Variants in TDRD3 observed in about 807,000 individuals in gnomAD.
The protein encoded by TDRD3 is tudor domain-containing protein 3.
In TDRD3, 45 loss-of-function variants were observed where a neutral mutation model predicts 86.7. The observed-to-expected ratio is 0.52, with a 90% CI of 0.41 to 0.67. The LOEUF (loss-of-function observed/expected upper bound fraction) is 0.67. TDRD3 is among the 30% of genes least tolerant of loss of function. The probability of loss-of-function intolerance (pLI) is 0.00; values close to 1 mark genes in which losing one functional copy is unlikely to be tolerated. For synonymous variants in TDRD3, 298 were observed against 301.7 expected (o/e 0.99, Z 0.13); for missense variants, 814 against 889.0 (o/e 0.92, Z 1.07).
chr13:60,559,382 G>A (rs137913222), intron 12 of TDRD3, among the ~76,000 whole-genome samples: 38 of 152,194 alleles, frequency 2.5e-4, no homozygotes, highest in African/African-American at 5.3e-4. Context: ...CAACTGACAC[G>A]TTTTGGAACA....
intron 13 of TDRD3, among the ~76,000 whole-genome samples, chr13:60,570,175 G>A (rs1032794082): frequency 1.3e-5 from 2 of 152,108 alleles, no homozygotes; most frequent in African/African-American, 2.4e-5. Flanking sequence ...TCTGACAAGC[G>A]CTTAATAACC....
intron 3 of TDRD3, among the ~76,000 whole-genome samples, chr13:60,449,004 T>C (rs1955472286): frequency 6.6e-6 from 1 of 152,098 alleles, no homozygotes; most frequent in Non-Finnish European, 1.5e-5. Context: ...AGGTTGTATA[T>C]ACCTTTTTAA....
At chr13:60,549,068 T>A (rs1412802888) in intron 12 of TDRD3, among the ~76,000 whole-genome samples, 1 of 152,122 alleles carries the variant, frequency 6.6e-6, no homozygotes, top group Non-Finnish European at 1.5e-5. Flanking sequence ...TTACAAAGGC[T>A]GTATGAGGAA....
intron 7 of TDRD3, among the ~76,000 whole-genome samples, chr13:60,490,795 A>G (rs1956569508): frequency 1.3e-5 from 2 of 152,100 alleles, no homozygotes; most frequent in African/African-American, 2.4e-5. Context: ...CTGAGATTGG[A>G]TATAGGGTAC....
chr13:60,436,754 A>T (rs568366903), intron 1 of TDRD3, among the ~76,000 whole-genome samples: 1 of 152,334 alleles, frequency 6.6e-6, no homozygotes, highest in South Asian at 2.1e-4. Flanking sequence ...ATGTGGATAA[A>T]GGCAAGTTTC....
intron 3 of TDRD3, among the ~76,000 whole-genome samples, chr13:60,456,542 A>C (rs1566205215): frequency 6.6e-6 from 1 of 152,210 alleles, no homozygotes; most frequent in African/African-American, 2.4e-5. Context: ...CAAAAGAGAA[A>C]ATCAGACATT....
Position 60,422,433 on chromosome 13 carries a change from C to T in TDRD3, c.42-17255C>T, listed in dbSNP as rs559557347. On this transcript the variant is annotated intron_variant, in intron 1 of 13. Coordinates refer to ENST00000377881, the MANE Select transcript of TDRD3 (RefSeq NM_001146070.2). Reference sequence around the variant, plus strand: ...ATCAGGAAACAAATTTGCACGCAAACCTAGGAAAATTCTTTTTCCCCAAAA... The same window carrying T: ...ATCAGGAAACAAATTTGCACGCAAATCTAGGAAAATTCTTTTTCCCCAAAA... 2.8e-4 allele frequency among the ~76,000 whole-genome samples: 42 copies of T among 152,224 alleles called. No homozygotes were observed. The South Asian group carries it at 8.3e-3, about 30-fold the overall frequency.
At chr13:60,421,301 C>T (rs1954651932) in intron 1 of TDRD3, among the ~76,000 whole-genome samples, 1 of 152,146 alleles carries the variant, frequency 6.6e-6, no homozygotes, top group African/African-American at 2.4e-5. Flanking sequence ...TGGTGGCAGG[C>T]AGCAGAGCAT....
At chr13:60,426,816 G>A (rs74078471) in intron 1 of TDRD3, among the ~76,000 whole-genome samples, 2 of 152,298 alleles carry the variant, frequency 1.3e-5, no homozygotes, top group African/African-American at 2.4e-5. Flanking sequence ...TTCTAGAAAT[G>A]TGTTCTCAAG....
intron 7 of TDRD3, among the ~76,000 whole-genome samples, chr13:60,493,709 A>T (rs1348179933): frequency 6.6e-6 from 1 of 152,222 alleles, no homozygotes; most frequent in Non-Finnish European, 1.5e-5. Flanking sequence ...CAAATGTTTC[A>T]TACTGTACAG....
chr13:60,537,091 G>A (rs868564525), intron 12 of TDRD3: 1 of 151,880 alleles, frequency 6.6e-6, no homozygotes, highest in African/African-American at 2.4e-5. Flanking sequence ...TTTCTCTGCA[G>A]TCAACTTAGA....
intron 1 of TDRD3, among the ~76,000 whole-genome samples, chr13:60,417,525 A>G (rs985653659): frequency 6.6e-6 from 1 of 151,656 alleles, no homozygotes; most frequent in Admixed American, 6.6e-5. Context: ...TATGTTTAGT[A>G]GAGATGGAGT....
chr13:60,531,945 A>C (rs934414430), intron 11 of TDRD3, among the ~76,000 whole-genome samples: 3 of 152,212 alleles, frequency 2.0e-5, no homozygotes, highest in Admixed American at 2.0e-4. Context: ...TCTAATATTC[A>C]ACAAATCATA....
At chr13:60,459,544 A>C (rs964678995) in intron 3 of TDRD3, among the ~76,000 whole-genome samples, 19 of 152,314 alleles carry the variant, frequency 1.2e-4, no homozygotes, top group African/African-American at 4.6e-4. Flanking sequence ...TCAACTTTTT[A>C]GTTTTGGTGG....
intron 12 of TDRD3, among the ~76,000 whole-genome samples, chr13:60,541,716 C>CTTTTTTTTTTTTTTTTTTTTTTTTTTTTT (rs71199007): frequency 4.9e-5 from 2 of 41,008 alleles, no homozygotes; most frequent in Non-Finnish European, 8.6e-5. Flanking sequence ...TCAGCATAGT[C>CTTTTTTTTTTTTTTTTTTTTTTTTTTTTT]TTTTTTTTTT....
At position 60,397,337 on chromosome 13, in the gene TDRD3, C is replaced by A; in HGVS notation, c.-28C>A. On this transcript the variant is annotated 5_prime_UTR_variant, in exon 1 of 14. Coordinates refer to ENST00000377881, the MANE Select transcript of TDRD3 (RefSeq NM_001146070.2). ...CTCCCCATCACCCCCACCCCAGCCC[C>A]CCACCACCCCCGGCCTAAGCAGCTA... The A allele has an allele frequency of 1.4e-6, 2 of 1,454,854 alleles. No homozygotes were observed. Among genetic ancestry groups the A allele is most frequent in the East Asian group, 2.8e-5 (1 of 36,320 alleles). 90.1% of individuals were successfully genotyped at this position (1,454,854 alleles called of 1,614,324 possible).
At chr13:60,506,111 A>G (rs568633134) in intron 8 of TDRD3, among the ~76,000 whole-genome samples, 1 of 152,288 alleles carries the variant, frequency 6.6e-6, no homozygotes, top group Admixed American at 6.5e-5. Context: ...TGAAGGAAAA[A>G]ATATTAAGGG....
chr13:60,547,319 G>C (rs1202070982), intron 12 of TDRD3: 1 of 985,244 alleles, frequency 1.0e-6, no homozygotes, highest in Admixed American at 6.2e-5. Context: ...GTGAATATCT[G>C]CTCTGCTTGG....
rs939342057 is a variant in TDRD3, at chr13:60,411,690, T to C, written c.41+14285T>C. The stretch of plus-strand genomic sequence containing the variant: ...AAGGACCCAGGTTCCTTTCATCTTA[T>C]TGCTTTGATGTCCCCTCACCCCTTG... On this transcript the variant is annotated intron_variant, in intron 1 of 13. Coordinates refer to ENST00000377881, the MANE Select transcript of TDRD3 (RefSeq NM_001146070.2). Among the ~76,000 whole-genome samples, 7 of 152,286 alleles carry C rather than the reference T, an allele frequency of 4.6e-5. No individual in the cohort carries two copies. In the East Asian group the frequency reaches 7.7e-4, roughly 17 times the overall value.
Sources: allele counts gnomAD v4.1 joint callset (sites outside exome capture counted in the v4.1 genomes callset), GRCh38; gene constraint gnomAD v4.1.1; transcripts MANE v1.5; gene names NCBI Gene and HGNC (gene_info 2026-07-23, HGNC 2026-07-21).